The following TMPRSS3 variants were observed in gnomAD, a reference collection of about 807,000 sequenced individuals.
The protein encoded by TMPRSS3 is transmembrane serine protease 3, also known as transmembrane protease serine 3.
Under a neutral mutation model 59.6 loss-of-function variants are expected in TMPRSS3, and 55 were observed. That is an observed-to-expected ratio of 0.92 (90% CI 0.74 to 1.16). TMPRSS3 has a LOEUF of 1.16. TMPRSS3 is among the 50% of genes most tolerant of loss of function. The probability of loss-of-function intolerance (pLI) is 0.00; values close to 1 mark genes in which losing one functional copy is unlikely to be tolerated. For missense variants in TMPRSS3, 596 were observed against 579.4 expected, an observed-to-expected ratio of 1.03 and a Z score of -0.29; for synonymous variants, 257 against 237.7, an observed-to-expected ratio of 1.08 and a Z score of -0.75.
At chr21:42,376,510 C>A (rs1419816400) in intron 11 of TMPRSS3, 31 bp downstream of exon 11, 2 of 1,611,602 alleles carry the variant, frequency 1.2e-6, no homozygotes, top group Non-Finnish European at 1.7e-6. Flanking sequence ...GTCACCCTGC[C>A]ACGGCCTCGC....
chr21:42,374,777 T>G (rs1340143541), intron 12 of TMPRSS3, among the ~76,000 whole-genome samples: 1 of 152,212 alleles, frequency 6.6e-6, no homozygotes, highest in Non-Finnish European at 1.5e-5. Context: ...GTACTTACTT[T>G]GACGTCATTG....
At chr21:42,391,686 C>T (rs983358975) in intron 2 of TMPRSS3, among the ~76,000 whole-genome samples, 1 of 152,184 alleles carries the variant, frequency 6.6e-6, no homozygotes, top group African/African-American at 2.4e-5. Flanking sequence ...GCAAAGGCAG[C>T]CAGCACAAAC....
At chr21:42,389,898 G>A in intron 3 of TMPRSS3, 29 bp downstream of exon 3, 1 of 1,526,854 alleles carries the variant, frequency 6.5e-7, no homozygotes, top group Non-Finnish European at 9.1e-7. Context: ...AGGTATTTGA[G>A]ATCCTACTAA....
Position 42,376,526 on chromosome 21 carries a change from G to T in TMPRSS3, c.1191+15C>A, listed in dbSNP as rs202020952. The T allele has an allele frequency of 8.3e-5, 134 of 1,612,460 alleles. No individual in the cohort carries two copies. The East Asian group carries it at 2.1e-3, about 25-fold the overall frequency. On this transcript the variant is annotated intron_variant, in intron 11 of 12. Coordinates refer to ENST00000644384, the MANE Select transcript of TMPRSS3 (RefSeq NM_001256317.3). ...TCACCCTGCCACGGCCTCGCCCACC[G>T]CTGCGGCCCCGTACCTGGCAGCTGT... is the stretch of plus-strand genomic sequence containing the variant.
At chr21:42,380,940 A>G (rs1293707690) in intron 9 of TMPRSS3, among the ~76,000 whole-genome samples, 1 of 152,186 alleles carries the variant, frequency 6.6e-6, no homozygotes, top group Non-Finnish European at 1.5e-5. Context: ...ATTTCCTATA[A>G]CCAATATCAT....
At chr21:42,389,388 C>T (rs761592342) in intron 3 of TMPRSS3, among the ~76,000 whole-genome samples, 1 of 152,196 alleles carries the variant, frequency 6.6e-6, no homozygotes, top group Non-Finnish European at 1.5e-5. Flanking sequence ...GAGAACTGCT[C>T]GGCCTTCCTG....
Position 42,380,152 on chromosome 21 carries a change from C to A in TMPRSS3, c.1013G>T (p.Cys338Phe), listed in dbSNP as rs1430952655. ...TGTGGCCCCCCATCCTGACGTCCAG[C>A]ACACTTTTCCATCGGGGAAGTTCTC... is the stretch of plus-strand genomic sequence containing the variant. Reference protein sequence around the residue: ...SEENFPDGKVCWTSGWGATED... With the variant: ...SEENFPDGKVFWTSGWGATED... The change falls in exon 10 of 13, where the codon TGC (cysteine) becomes TTC (phenylalanine). Residue 338 changes from cysteine (C) to phenylalanine (F), a missense_variant. Transcript: ENST00000644384. 2 of 1,614,076 alleles carry A rather than the reference C, an allele frequency of 1.2e-6. No individual in the cohort carries two copies. Among genetic ancestry groups the A allele is most frequent in the South Asian group, 2.2e-5 (2 of 91,090 alleles).
At chr21:42,391,194 T>C (rs1285331354) in intron 2 of TMPRSS3, among the ~76,000 whole-genome samples, 1 of 152,102 alleles carries the variant, frequency 6.6e-6, no homozygotes, top group African/African-American at 2.4e-5. Flanking sequence ...GACAAGATGT[T>C]GATTTTTGTT....
Position 42,395,544 on chromosome 21 carries a change from T to C in TMPRSS3, c.-51-76A>G. On this transcript the variant is annotated intron_variant, in intron 1 of 12. Coordinates refer to ENST00000644384, the MANE Select transcript of TMPRSS3 (RefSeq NM_001256317.3). ...CATCAGGTGCATCTTGGTCATACGG[T>C]AAATCTTTGAAATTCGACAGTCCAC... 6 of 856,320 alleles carry C rather than the reference T, an allele frequency of 7.0e-6. 1 individual carries two copies. The South Asian group carries it at 8.6e-5, about 12-fold the overall frequency. 53.0% of individuals were successfully genotyped at this position (856,320 alleles called of 1,614,324 possible).
chr21:42,379,230 G>T (rs889570279), intron 10 of TMPRSS3, among the ~76,000 whole-genome samples: 4 of 151,072 alleles, frequency 2.6e-5, no homozygotes, highest in Non-Finnish European at 5.9e-5. Flanking sequence ...GTCTTGCCAT[G>T]TTGCCCAGGC....
rs376399439 is a variant in TMPRSS3, at chr21:42,385,501, C to A, written c.480G>T (p.Ser160=). 4.3e-6 allele frequency: 7 copies of A among 1,614,038 alleles called. No individual in the cohort carries two copies. Among genetic ancestry groups the A allele is most frequent in the Non-Finnish European group, 5.9e-6 (7 of 1,180,034 alleles). ...ACTCCTCCCGGAACTGCCCCTCCAG[C>A]GAGCTCACTCTGAGGTTATCTGAAC... ...YVSSDNLRVS[S]LEGQFREEFV... Residue 160 remains serine, a synonymous_variant, in exon 6 of 13, where the codon TCG becomes TCT. Transcript: ENST00000644384.
chr21:42,382,520 G>A (rs1047075593), intron 8 of TMPRSS3: 13 of 486,734 alleles, frequency 2.7e-5, no homozygotes, highest in Non-Finnish European at 4.1e-5. Flanking sequence ...AGTCTATCAG[G>A]CACTACTGTT....
At chr21:42,374,556 T>C (rs2052387998) in intron 12 of TMPRSS3, among the ~76,000 whole-genome samples, 1 of 152,148 alleles carries the variant, frequency 6.6e-6, no homozygotes, top group South Asian at 2.1e-4. Context: ...GAAAGCTGAC[T>C]GGTGGGTGCC....
chr21:42,382,580 T>C (rs951504531), intron 8 of TMPRSS3: 1 of 400,308 alleles, frequency 2.5e-6, no homozygotes, highest in African/African-American at 2.0e-5. Context: ...AGAACCATTG[T>C]GTTTGGAAGT....
chr21:42,382,169 G>T lies in TMPRSS3; in HGVS notation c.848C>A (p.Pro283Gln). Residue 283 changes from proline to glutamine, a missense_variant, in exon 9 of 13, where the codon CCA becomes CAA. Pro to Gln is a moderately conservative substitution (Grantham distance 76). Coordinates refer to ENST00000644384, the MANE Select transcript of TMPRSS3 (RefSeq NM_001256317.3). ...GACAATCTTCTCCACCAAGTGGGATGGGGCTGGATTGTCCAACAGGGAAAC... is the reference window on the plus strand; with the variant it reads ...GACAATCTTCTCCACCAAGTGGGATTGGGCTGGATTGTCCAACAGGGAAAC... The part of the protein sequence containing the change: ...GLVSLLDNPA[P>Q]SHLVEKIVYH... 1.9e-6 allele frequency: 3 copies of T among 1,614,176 alleles called. No homozygotes were observed. Among genetic ancestry groups the T allele is most frequent in the Non-Finnish European group, 2.5e-6 (3 of 1,180,028 alleles).
intron 10 of TMPRSS3, 94 bp from the exon 11 acceptor site, chr21:42,376,777 G>A: frequency 6.4e-7 from 1 of 1,572,752 alleles, no homozygotes; most frequent in Non-Finnish European, 8.7e-7. Flanking sequence ...GAGGGAACGA[G>A]GGACGAGGGG....
At chr21:42,393,927 G>A (rs2052765513) in intron 2 of TMPRSS3, among the ~76,000 whole-genome samples, 1 of 152,092 alleles carries the variant, frequency 6.6e-6, no homozygotes, top group Non-Finnish European at 1.5e-5. Flanking sequence ...AGGTGATATT[G>A]TTAAAATTTT....
At chr21:42,373,400 G>C (rs1470946238) in intron 12 of TMPRSS3, among the ~76,000 whole-genome samples, 2 of 152,232 alleles carry the variant, frequency 1.3e-5, no homozygotes, top group African/African-American at 4.8e-5. Flanking sequence ...GCGTTGTGCA[G>C]GGAGCAGGGG....
chr21:42,373,998 C>T (rs1037959048), intron 12 of TMPRSS3, among the ~76,000 whole-genome samples: 7 of 152,184 alleles, frequency 4.6e-5, no homozygotes, highest in Non-Finnish European at 2.9e-5. Context: ...ATCTGTGTCC[C>T]GTGAAGGCCT....
Sources: allele counts gnomAD v4.1 joint callset (sites outside exome capture counted in the v4.1 genomes callset), GRCh38; gene constraint gnomAD v4.1.1; transcripts MANE v1.5; gene names NCBI Gene and HGNC (gene_info 2026-07-23, HGNC 2026-07-21).